Variants in TPH2 observed in about 807,000 individuals in gnomAD.
TPH2 encodes tryptophan 5-hydroxylase 2.
In TPH2, 27 loss-of-function variants were observed where a neutral mutation model predicts 59.1. The observed-to-expected ratio is 0.46, with a 90% CI of 0.34 to 0.63. The LOEUF (loss-of-function observed/expected upper bound fraction) is 0.63. Among genes scored for constraint, TPH2 ranks in the 30% least tolerant of loss-of-function variants. The pLI is 0.01. For synonymous variants in TPH2, 220 were observed against 210.5 expected, an observed-to-expected ratio of 1.05 and a Z score of -0.39; for missense variants, 523 against 588.3, an observed-to-expected ratio of 0.89 and a Z score of 1.15.
Position 71,972,729 on chromosome 12 carries a change from C to A in TPH2, c.805+14C>A. ...TGTTTCTGAAAGGTAAGATTTCACA[C>A]AGGCTGTCTCTTATTAGTCAATATC... On this transcript the variant is annotated intron_variant, in intron 6 of 10. Transcript: ENST00000333850. The A allele has an allele frequency of 6.2e-7, 1 of 1,611,776 alleles. No individual in the cohort carries two copies. The highest frequency in any genetic ancestry group is 8.5e-7 in the Non-Finnish European group (1 of 1,179,164).
At chr12:71,942,422 C>T (rs1356000635) in intron 2 of TPH2, among the ~76,000 whole-genome samples, 1 of 152,124 alleles carries the variant, frequency 6.6e-6, no homozygotes, top group African/African-American at 2.4e-5. Flanking sequence ...AAACACCCTC[C>T]CTTACAAATG....
intron 8 of TPH2, among the ~76,000 whole-genome samples, chr12:72,005,776 G>C (rs947388041): frequency 1.3e-5 from 2 of 152,082 alleles, no homozygotes; most frequent in Non-Finnish European, 2.9e-5. Context: ...TTTGTTTTGA[G>C]AAAAAATTGA....
chr12:72,031,798 A>C lies in TPH2; in HGVS notation c.*103A>C. On this transcript the variant is annotated 3_prime_UTR_variant, in exon 11 of 11. Transcript: ENST00000333850. Reference sequence around the variant, plus strand: ...AACCTTCTGTGTCATGGCTTGGCTAATAAGCATGCAATTCCATATATCTAT... The same window carrying C: ...AACCTTCTGTGTCATGGCTTGGCTACTAAGCATGCAATTCCATATATCTAT... The C allele has an allele frequency of 7.4e-7, 1 of 1,345,430 alleles. No individual in the cohort carries two copies. Among genetic ancestry groups the C allele is most frequent in the Non-Finnish European group, 1.1e-6 (1 of 942,452 alleles). 83.3% of individuals were successfully genotyped at this position (1,345,430 alleles called of 1,614,324 possible).
chr12:71,940,538 A>C (rs778089775), intron 1 of TPH2, among the ~76,000 whole-genome samples: 1 of 152,200 alleles, frequency 6.6e-6, no homozygotes, highest in Non-Finnish European at 1.5e-5. Flanking sequence ...CGATTGTATT[A>C]AATCACCATT....
At position 72,022,499 on chromosome 12, in the gene TPH2, G is replaced by A. The variant is rs1245657679; in HGVS notation, c.1164+5G>A. On this transcript the variant is annotated splice_donor_5th_base_variant and intron_variant, in intron 9 of 10. Transcript: ENST00000333850. ...TCCTCCATTGGAGAATTAAAGGTATGAAGCTGTGAATGAAAATACCCTTCC... is the reference window on the plus strand; with the variant it reads ...TCCTCCATTGGAGAATTAAAGGTATAAAGCTGTGAATGAAAATACCCTTCC... The A allele has an allele frequency of 6.2e-7, 1 of 1,602,836 alleles. No individual in the cohort carries two copies. Among genetic ancestry groups the A allele is most frequent in the Non-Finnish European group, 8.5e-7 (1 of 1,169,674 alleles).
At position 71,972,681 on chromosome 12, in the gene TPH2, G is replaced by T; in HGVS notation, c.771G>T (p.Val257=). ...ACTGTGGCTACAGAGAGGACAATGT[G>T]CCTCAACTCGAAGATGTCTCCATGT... is the stretch of plus-strand genomic sequence containing the variant. ...TKYCGYREDN[V]PQLEDVSMFL... The change falls in exon 6 of 11, where the codon GTG becomes GTT. Residue 257 remains valine, a synonymous_variant. Coordinates refer to ENST00000333850, the MANE Select transcript of TPH2 (RefSeq NM_173353.4). The T allele has an allele frequency of 6.2e-7, 1 of 1,614,084 alleles. No homozygotes were observed. Among genetic ancestry groups the T allele is most frequent in the Non-Finnish European group, 8.5e-7 (1 of 1,180,020 alleles).
At chr12:71,964,503 T>C in intron 5 of TPH2, 4 of 983,046 alleles carry the variant, frequency 4.1e-6, no homozygotes, top group Non-Finnish European at 4.8e-6. Flanking sequence ...TATATATATA[T>C]ATTCTGGCAA....
chr12:71,979,171 T>C, intron 7 of TPH2, 84 bp downstream of exon 7: 1 of 1,571,538 alleles, frequency 6.4e-7, no homozygotes, highest in East Asian at 2.2e-5. Context: ...AGGCCCTGTT[T>C]TACCTCCAAA....
At chr12:71,952,285 T>C (rs1345293202) in intron 5 of TPH2, among the ~76,000 whole-genome samples, 2 of 151,738 alleles carry the variant, frequency 1.3e-5, no homozygotes, top group African/African-American at 4.8e-5. Flanking sequence ...AAAGTAGAGA[T>C]TGGAGAAACT....
At chr12:71,959,891 T>G (rs1871630370) in intron 5 of TPH2, among the ~76,000 whole-genome samples, 1 of 152,176 alleles carries the variant, frequency 6.6e-6, no homozygotes, top group African/African-American at 2.4e-5. Context: ...GGCTCTACTG[T>G]GATGTGAAAC....
intron 5 of TPH2, among the ~76,000 whole-genome samples, chr12:71,957,847 T>A (rs903534217): frequency 6.6e-6 from 1 of 152,296 alleles, no homozygotes; most frequent in East Asian, 1.9e-4. Context: ...CAGAATAAGG[T>A]TGGAGGATAA....
chr12:71,949,555 T>G, intron 4 of TPH2, 33 bp from the exon 5 acceptor site: 1 of 1,588,624 alleles, frequency 6.3e-7, no homozygotes, highest in Non-Finnish European at 8.6e-7. Flanking sequence ...TTTCAGCACT[T>G]TGTTAAATAA....
intron 5 of TPH2, among the ~76,000 whole-genome samples, chr12:71,965,778 G>C (rs2139198470): frequency 6.6e-6 from 1 of 152,252 alleles, no homozygotes; most frequent in East Asian, 1.9e-4. Flanking sequence ...TTACTCTGTT[G>C]GTAGTTCCTT....
At chr12:71,960,118 A>G (rs1358315093) in intron 5 of TPH2, among the ~76,000 whole-genome samples, 1 of 152,210 alleles carries the variant, frequency 6.6e-6, no homozygotes, top group African/African-American at 2.4e-5. Context: ...TTTCTCTGAA[A>G]TGAAGCGGTA....
chr12:71,947,047 T>C lies in TPH2; in HGVS notation c.540+2361T>C, dbSNP rs747017870. Among the ~76,000 whole-genome samples the C allele has an allele frequency of 1.6e-4, 25 of 152,184 alleles. No individual in the cohort carries two copies. The East Asian group carries it at 3.1e-3, about 19-fold the overall frequency. ...AGGTGTTTGTTAAAAATACAATATCTTGATGCTCATCTGAAGCCTACTGAG... is the reference window on the plus strand; with the variant it reads ...AGGTGTTTGTTAAAAATACAATATCCTGATGCTCATCTGAAGCCTACTGAG... On this transcript the variant is annotated intron_variant, in intron 4 of 10. Coordinates refer to ENST00000333850, the MANE Select transcript of TPH2 (RefSeq NM_173353.4).
intron 7 of TPH2, among the ~76,000 whole-genome samples, chr12:71,986,630 CTTT>C (rs36018735): frequency 7.6e-6 from 1 of 131,388 alleles, no homozygotes; most frequent in Non-Finnish European, 1.6e-5. Flanking sequence ...AGCCACCCTT[CTTT>C]TTTTTTTTTT....
chr12:71,949,689 C>T, intron 5 of TPH2, 34 bp downstream of exon 5: 1 of 1,567,206 alleles, frequency 6.4e-7, no homozygotes, highest in Non-Finnish European at 8.8e-7. Flanking sequence ...TTGTCACTGG[C>T]TAGTTAGGAA....
At chr12:71,960,269 A>G (rs1312248025) in intron 5 of TPH2, among the ~76,000 whole-genome samples, 1 of 152,176 alleles carries the variant, frequency 6.6e-6, no homozygotes, top group African/African-American at 2.4e-5. Flanking sequence ...TCTGCCCAAG[A>G]TGCCACGTCT....
intron 7 of TPH2, among the ~76,000 whole-genome samples, chr12:71,990,435 A>T (rs12230557): frequency 0.043 from 6,500 of 152,184 alleles, 267 homozygotes; most frequent in South Asian, 0.17. Context: ...TCTCCCTCAG[A>T]CTCCCCATAG....
Sources: allele counts gnomAD v4.1 joint callset (sites outside exome capture counted in the v4.1 genomes callset), GRCh38; gene constraint gnomAD v4.1.1; transcripts MANE v1.5; gene names NCBI Gene and HGNC (gene_info 2026-07-23, HGNC 2026-07-21).